Variants in BLOC1S3 observed in about 807,000 individuals in gnomAD.
The protein encoded by BLOC1S3 is biogenesis of lysosomal organelles complex 1 subunit 3, also known as biogenesis of lysosome-related organelles complex 1 subunit 3.
BLOC1S3 carries 7 observed loss-of-function variants against 9.1 expected under a neutral mutation model. The observed-to-expected ratio is 0.77, with a 90% CI of 0.44 to 1.45. The LOEUF is 1.45. Ranked by LOEUF, BLOC1S3 falls within the 40% of genes most tolerant of loss-of-function variation. BLOC1S3 has a pLI of 0.01. For missense variants in BLOC1S3, 307 were observed against 315.2 expected, an observed-to-expected ratio of 0.97 and a Z score of 0.20; for synonymous variants, 145 against 158.4, an observed-to-expected ratio of 0.92 and a Z score of 0.64.
At chr19:45,182,467 A>T (rs1296815271), downstream of BLOC1S3, among the ~76,000 whole-genome samples, 1 of 152,100 alleles carries the variant, frequency 6.6e-6, no homozygotes, top group African/African-American at 2.4e-5. Flanking sequence ...CAGGAGTTCT[A>T]GACCAGCCTG....
At chr19:45,211,371 A>AG (rs1394099181) in intron 3 of BLOC1S3, among the ~76,000 whole-genome samples, 2 of 151,134 alleles carry the variant, frequency 1.3e-5, no homozygotes, top group Non-Finnish European at 3.0e-5. Flanking sequence ...GTGGTGGTGG[A>AG]GGGGGGGCAC....
intron 3 of BLOC1S3, among the ~76,000 whole-genome samples, chr19:45,203,806 A>C (rs1470688998): frequency 6.6e-6 from 1 of 152,090 alleles, no homozygotes; most frequent in African/African-American, 2.4e-5. Context: ...CCAAATGCAC[A>C]GATTCTCTCT....
chr19:45,193,139 A>AAAAG lies in BLOC1S3; in HGVS notation n.180+5402_180+5403insGAAA, dbSNP rs1969619842. Among the ~76,000 whole-genome samples the AAAAG allele has an allele frequency of 2.4e-5, 3 of 126,882 alleles. No homozygotes were observed. In the East Asian group the frequency reaches 5.8e-4, roughly 25 times the overall value. The allele number at this position is 126,882 out of a possible 152,430, so 83.2% of individuals were successfully genotyped here. On this transcript the variant is annotated intron_variant and non_coding_transcript_variant, in intron 2 of 3. Coordinates refer to the BLOC1S3 transcript ENST00000591569. ...AAGAGCAAAACTCCGTCTCAAAAAA[A>AAAAG]AAAAAAAAAAAAAAAAAAAAAGAGA...
At chr19:45,215,895 G>A (rs902755359) in intron 3 of BLOC1S3, among the ~76,000 whole-genome samples, 11 of 152,288 alleles carry the variant, frequency 7.2e-5, no homozygotes, top group Admixed American at 3.9e-4. Flanking sequence ...AGGCAGCAGC[G>A]GCGGCAGGAG....
chr19:45,214,441 CA>C, intron 3 of BLOC1S3, among the ~76,000 whole-genome samples: 1 of 151,326 alleles, frequency 6.6e-6, no homozygotes, highest in East Asian at 1.9e-4. Context: ...TGATCTGGTA[CA>C]CTAGTTTTTT....
At chr19:45,211,466 G>A (rs1324769404) in intron 3 of BLOC1S3, among the ~76,000 whole-genome samples, 1 of 150,544 alleles carries the variant, frequency 6.6e-6, no homozygotes, top group African/African-American at 2.4e-5. Context: ...AGCTGAGATC[G>A]CGCCATTGCA....
chr19:45,197,518 G>A (rs891612884), intron 2 of BLOC1S3, among the ~76,000 whole-genome samples: 1 of 150,430 alleles, frequency 6.6e-6, no homozygotes, highest in Non-Finnish European at 1.5e-5. Context: ...AGAAGAAGAA[G>A]AAAAAGAATA....
intron 2 of BLOC1S3, among the ~76,000 whole-genome samples, chr19:45,197,179 C>A (rs1172813253): frequency 6.6e-6 from 1 of 151,594 alleles, no homozygotes; most frequent in Non-Finnish European, 1.5e-5. Context: ...CACAGTGAGA[C>A]CTTATCTCAA....
chr19:45,191,068 G>C (rs1230152278), intron 2 of BLOC1S3, among the ~76,000 whole-genome samples: 1 of 151,184 alleles, frequency 6.6e-6, no homozygotes, highest in Non-Finnish European at 1.5e-5. Context: ...GCCTCCCAAA[G>C]TGCTGGGATT....
At chr19:45,212,558 G>A (rs1367410728) in intron 3 of BLOC1S3, 1 of 151,926 alleles carries the variant, frequency 6.6e-6, no homozygotes, top group African/African-American at 2.4e-5. Flanking sequence ...TCATGGCCTT[G>A]GGAAAATGCT....
intron 3 of BLOC1S3, among the ~76,000 whole-genome samples, chr19:45,208,346 C>T: frequency 6.6e-6 from 1 of 152,120 alleles, no homozygotes; most frequent in South Asian, 2.1e-4. Context: ...ATCGCTCATA[C>T]CTGTAATCTC....
At chr19:45,194,460 C>T (rs1969632592) in intron 2 of BLOC1S3, among the ~76,000 whole-genome samples, 1 of 152,094 alleles carries the variant, frequency 6.6e-6, no homozygotes, top group Admixed American at 6.6e-5. Flanking sequence ...GACTAATACA[C>T]CCGCGATCGT....
intron 2 of BLOC1S3, among the ~76,000 whole-genome samples, chr19:45,199,718 CTCTTCTCTTCTT>C (rs1969675749): frequency 1.3e-5 from 2 of 151,052 alleles, no homozygotes; most frequent in Non-Finnish European, 2.9e-5. Flanking sequence ...CTCTTCTGTT[CTCTTCTCTTCTT>C]TCTTCTCTTC....
At chr19:45,194,702 A>G (rs1456830064) in intron 2 of BLOC1S3, among the ~76,000 whole-genome samples, 1 of 152,138 alleles carries the variant, frequency 6.6e-6, no homozygotes, top group Non-Finnish European at 1.5e-5. Context: ...TCCACCAACA[A>G]AGCCAGAGCA....
intron 2 of BLOC1S3, among the ~76,000 whole-genome samples, chr19:45,201,375 CA>C (rs1287360803): frequency 2.0e-5 from 3 of 152,266 alleles, no homozygotes; most frequent in Middle Eastern, 6.8e-3. Flanking sequence ...AGGGGTGACA[CA>C]AGTACCCTTG....
rs1969523283 is a variant in BLOC1S3 at position 45,181,653 on chromosome 19, G to GAT, written c.*1748_*1749insAT. ...TGTGTTTTCTTCCGATCCCAGCTCT[G>GAT]GTCCCTCAGCCGCATTCATATTTAC... On this transcript the variant is annotated 3_prime_UTR_variant, in exon 2 of 2. Coordinates refer to ENST00000433642, the MANE Select transcript of BLOC1S3 (RefSeq NM_212550.5). 6.0e-6 allele frequency: 1 copy of GAT among 167,040 alleles called. No individual in the cohort carries two copies. Among genetic ancestry groups the GAT allele is most frequent in the African/African-American group, 2.4e-5 (1 of 41,402 alleles). 10.3% of individuals were successfully genotyped at this position (167,040 alleles called of 1,614,324 possible).
chr19:45,206,716 C>T (rs1969730694), intron 3 of BLOC1S3, among the ~76,000 whole-genome samples: 1 of 151,166 alleles, frequency 6.6e-6, no homozygotes, highest in African/African-American at 2.4e-5. Context: ...CCGCCTTGGC[C>T]TCCCAAAGGG....
intron 2 of BLOC1S3, among the ~76,000 whole-genome samples, chr19:45,195,016 C>T (rs1426032946): frequency 6.6e-6 from 1 of 150,914 alleles, no homozygotes; most frequent in Non-Finnish European, 1.5e-5. Flanking sequence ...ACTGCAATCT[C>T]CGCCTCCCAG....
At chr19:45,213,717 G>A (rs1969803460) in intron 3 of BLOC1S3, among the ~76,000 whole-genome samples, 3 of 151,954 alleles carry the variant, frequency 2.0e-5, no homozygotes, top group Admixed American at 2.0e-4. Context: ...GGCCAAGGCA[G>A]GCGGATCACC....
Sources: gnomAD v4.1 joint callset for allele counts (sites outside exome capture counted in the v4.1 genomes callset) on GRCh38, gnomAD v4.1.1 for gene constraint, MANE v1.5 for transcripts, NCBI Gene and HGNC (gene_info 2026-07-23, HGNC 2026-07-21) for gene names.